The following MGST1 variants were observed in gnomAD, a reference collection of about 807,000 sequenced individuals.
The protein encoded by MGST1 is glutathione S-transferase 12.
MGST1 carries 5 observed loss-of-function variants against 8.9 expected under a neutral mutation model. That is an observed-to-expected ratio of 0.56 (90% confidence interval 0.29 to 1.19). The LOEUF (loss-of-function observed/expected upper bound fraction) is 1.19, where lower values mean the gene tolerates loss of function less well. MGST1 is among the 50% of genes most tolerant of loss of function. The pLI, the probability that MGST1 is intolerant of heterozygous loss-of-function variation, is 0.08. For missense variants in MGST1, 182 were observed against 187.4 expected (o/e 0.97, Z 0.17); for synonymous variants, 54 against 67.8 (o/e 0.80, Z 1.00).
chr12:16,403,335 G>T (rs1940675335), intron 1 of MGST1, among the ~76,000 whole-genome samples: 1 of 151,644 alleles, frequency 6.6e-6, no homozygotes, highest in African/African-American at 2.4e-5. Context: ...TAAGTTTCTG[G>T]CTTAAGAGCA....
rs143716690 is a variant in MGST1, at chr12:16,509,841, G to C, written n.483-79687G>C. Among the ~76,000 whole-genome samples the C allele has an allele frequency of 9.2e-5, 14 of 152,258 alleles. No homozygotes were observed. The East Asian group carries it at 2.7e-3, about 29-fold the overall frequency. ...TTCTCAATTTGGATACGTTTAGGTA[G>C]GAGTGATTCAGAGCTTTGTGCCCAA... On this transcript the variant is annotated intron_variant and non_coding_transcript_variant, in intron 4 of 4. Transcript: ENST00000538857.
chr12:16,494,402 A>T (rs554643998), intron 4 of MGST1, among the ~76,000 whole-genome samples: 23 of 152,280 alleles, frequency 1.5e-4, no homozygotes, highest in African/African-American at 5.3e-4. Context: ...CTTAATTACA[A>T]AAATAGTGTC....
rs1213314383 is a variant in MGST1, at chr12:16,482,223, C to T, written n.482+98619C>T. 2.0e-5 allele frequency among the ~76,000 whole-genome samples: 3 copies of T among 152,092 alleles called. No homozygotes were observed. The highest frequency in any genetic ancestry group is 7.2e-5 in the African/African-American group (3 of 41,414). The stretch of plus-strand genomic sequence containing the variant: ...GAACTTCTGGCAGGAGGAAAATTAT[C>T]TCAGATGGAAGGTCAAGAGAGGCTT... On this transcript the variant is annotated intron_variant and non_coding_transcript_variant, in intron 4 of 4. Transcript: ENST00000538857. This position sits in a 1 kb window ranked among gnomAD's most constrained non-coding sequence, Gnocchi z 4.2.
At position 16,546,842 on chromosome 12, in the gene MGST1, C is replaced by A. The variant is rs949874845; in HGVS notation, n.483-42686C>A. Among the ~76,000 whole-genome samples, 14 of 151,542 alleles carry A rather than the reference C, an allele frequency of 9.2e-5. No homozygotes were observed. Among genetic ancestry groups the A allele is most frequent in the Admixed American group, 2.0e-4 (3 of 15,158 alleles). ...TATCCACAAACCCACCCCAACCAAGCCTGCCAAAAGCAAAAAAATGTCATT... is the reference window on the plus strand; with the variant it reads ...TATCCACAAACCCACCCCAACCAAGACTGCCAAAAGCAAAAAAATGTCATT... On this transcript the variant is annotated intron_variant and non_coding_transcript_variant, in intron 4 of 4. Coordinates refer to the MGST1 transcript ENST00000538857. The surrounding 1 kb of genome is among the most constrained non-coding windows in gnomAD (Gnocchi z 4.7).
intron 4 of MGST1, among the ~76,000 whole-genome samples, chr12:16,501,417 GT>G (rs2137168403): frequency 6.6e-6 from 1 of 152,314 alleles, no homozygotes; most frequent in South Asian, 2.1e-4. Flanking sequence ...CAAAGATAAT[GT>G]CAGCACTTAA....
chr12:16,490,331 G>C (rs1164244638), intron 4 of MGST1, among the ~76,000 whole-genome samples: 2 of 152,100 alleles, frequency 1.3e-5, no homozygotes, highest in African/African-American at 4.8e-5. Context: ...TCTACCATGA[G>C]AACAGCATGT....
At chr12:16,552,575 A>T (rs1199073054) in intron 4 of MGST1, among the ~76,000 whole-genome samples, 1 of 152,100 alleles carries the variant, frequency 6.6e-6, no homozygotes, top group Non-Finnish European at 1.5e-5. Context: ...CTAAGTAGAT[A>T]GAGAGGAAAA....
intron 4 of MGST1, among the ~76,000 whole-genome samples, chr12:16,479,265 C>T (rs1941347844): frequency 8.7e-6 from 1 of 114,348 alleles, no homozygotes; most frequent in African/African-American, 3.4e-5. Context: ...GACGGAGTCT[C>T]GCTCTGTCGC....
chr12:16,429,697 ATATCT>A (rs1243934545), intron 1 of MGST1, among the ~76,000 whole-genome samples: 1 of 152,152 alleles, frequency 6.6e-6, no homozygotes, highest in Non-Finnish European at 1.5e-5. Flanking sequence ...AAAACTGTAC[ATATCT>A]TAATTTAAAA....
rs1414805491 is a variant in MGST1, at chr12:16,589,466, T to C, written n.483-62T>C. The C allele has an allele frequency of 6.6e-6, 1 of 152,080 alleles. No homozygotes were observed. The highest frequency in any genetic ancestry group is 1.5e-5 in the Non-Finnish European group (1 of 68,004). 9.4% of individuals were successfully genotyped at this position (152,080 alleles called of 1,614,324 possible). A position where few individuals can be genotyped will look rare whatever the true frequency, so the allele number is the denominator to read the frequency against. ...TGCAGATGAAAGCCTCCGTATAAAT[T>C]AGGAAGGAAAAATTTAAGAAAAATT... On this transcript the variant is annotated intron_variant and non_coding_transcript_variant, in intron 4 of 4. Transcript: ENST00000538857. This position sits in a 1 kb window ranked among gnomAD's most constrained non-coding sequence, Gnocchi z 4.2.
chr12:16,520,383 A>G (rs980271781), intron 4 of MGST1, among the ~76,000 whole-genome samples: 8 of 152,334 alleles, frequency 5.3e-5, no homozygotes, highest in Non-Finnish European at 1.0e-4. Context: ...AGGAAAGATT[A>G]GTATAATAAA....
intron 1 of MGST1, among the ~76,000 whole-genome samples, chr12:16,434,353 C>CT (rs1249259260): frequency 6.6e-6 from 1 of 151,952 alleles, no homozygotes; most frequent in Non-Finnish European, 1.5e-5. Context: ...TTTTAAAACA[C>CT]AAGATTAAAC....
chr12:16,385,334 ATTTCT>A (rs900065729), intron 1 of MGST1, among the ~76,000 whole-genome samples: 2 of 152,168 alleles, frequency 1.3e-5, no homozygotes, highest in African/African-American at 4.8e-5. Flanking sequence ...CAAGTCTAAA[ATTTCT>A]TTTGTCATTA....
chr12:16,466,504 A>C (rs935220332), intron 4 of MGST1, among the ~76,000 whole-genome samples: 4 of 152,226 alleles, frequency 2.6e-5, no homozygotes, highest in Admixed American at 2.6e-4. Flanking sequence ...CTGGTCTTAG[A>C]TTTAAAACCT....
chr12:16,407,957 G>A (rs981936445), intron 1 of MGST1, among the ~76,000 whole-genome samples: 1 of 149,860 alleles, frequency 6.7e-6, no homozygotes, highest in Non-Finnish European at 1.5e-5. Flanking sequence ...GCTTGAACTC[G>A]GGAGGTGGAG....
intron 4 of MGST1, among the ~76,000 whole-genome samples, chr12:16,528,974 T>G (rs1474192973): frequency 6.6e-6 from 1 of 151,848 alleles, no homozygotes; most frequent in Admixed American, 6.6e-5. Flanking sequence ...TGAAAGTCAG[T>G]GAGAGCTCTT....
chr12:16,495,715 C>T lies in MGST1; in HGVS notation n.483-93813C>T, dbSNP rs12578336. ...TTTTTTCAAAATACTTTCCCTGATACTCTAGTCTGGACTATATGATCTGCC... is the reference window on the plus strand; with the variant it reads ...TTTTTTCAAAATACTTTCCCTGATATTCTAGTCTGGACTATATGATCTGCC... On this transcript the variant is annotated intron_variant and non_coding_transcript_variant, in intron 4 of 4. Coordinates refer to the MGST1 transcript ENST00000538857. Among the ~76,000 whole-genome samples the T allele has an allele frequency of 8.2e-3, 1,248 of 151,458 alleles. 50 individuals are homozygous for T. In the East Asian group the frequency reaches 0.14, roughly 18 times the overall value.
chr12:16,493,459 A>G lies in MGST1; in HGVS notation n.483-96069A>G, dbSNP rs113256434. Among the ~76,000 whole-genome samples, 606 of 152,268 alleles carry G rather than the reference A, an allele frequency of 4.0e-3. 3 individuals carry two copies. The highest frequency in any genetic ancestry group is 0.014 in the African/African-American group (580 of 41,546). On this transcript the variant is annotated intron_variant and non_coding_transcript_variant, in intron 4 of 4. Coordinates refer to the MGST1 transcript ENST00000538857. The stretch of plus-strand genomic sequence containing the variant: ...CCTCTGGGAATAGGGAAGAAGTATA[A>G]CAGACTCTCCAAGTAATTCTGATGC...
downstream of MGST1, among the ~76,000 whole-genome samples, chr12:16,378,032 G>T (rs1239973054): frequency 3.3e-5 from 5 of 151,834 alleles, no homozygotes; most frequent in Admixed American, 3.3e-4. Flanking sequence ...GTTCATTGTA[G>T]ATTCTGGATA....
Sources: gnomAD v4.1 joint callset for allele counts (sites outside exome capture counted in the v4.1 genomes callset) on GRCh38, gnomAD v4.1.1 for gene constraint, Gnocchi (gnomAD v3.1) non-coding constraint, MANE v1.5 for transcripts, NCBI Gene and HGNC (gene_info 2026-07-23, HGNC 2026-07-21) for gene names.